NPAS3: variants seen among roughly 807,000 people sequenced by gnomAD.
NPAS3 encodes the protein neuronal PAS domain protein 3, also known as neuronal PAS domain-containing protein 3.
Under a neutral mutation model 73.1 loss-of-function variants are expected in NPAS3, and 14 were observed. That is an observed-to-expected ratio of 0.19 (90% CI 0.13 to 0.30). The LOEUF is 0.30. Ranked by LOEUF, NPAS3 falls within the 10% of genes least tolerant of loss-of-function variation. The pLI, the probability that NPAS3 is intolerant of heterozygous loss-of-function variation, is 1.00. For missense variants in NPAS3, 1,096 were observed against 1,250.0 expected, an observed-to-expected ratio of 0.88 and a Z score of 1.86; for synonymous variants, 620 against 541.5, an observed-to-expected ratio of 1.14 and a Z score of -2.01.
rs1040793132 is a variant in NPAS3 at position 33,026,871 on chromosome 14, C to G, written c.51-29034C>G. On this transcript the variant is annotated intron_variant, in intron 1 of 11. Transcript: ENST00000356141. ...TCAGAGCTTGAGTTCCTCATCCTTCCCCCCTACACCCCTTTCCCTTTTTTC... is the reference window on the plus strand; with the variant it reads ...TCAGAGCTTGAGTTCCTCATCCTTCGCCCCTACACCCCTTTCCCTTTTTTC... Among the ~76,000 whole-genome samples, 8 of 152,226 alleles carry G rather than the reference C, an allele frequency of 5.3e-5. No individual in the cohort carries two copies. In the East Asian group the frequency reaches 1.5e-3, roughly 29 times the overall value.
intron 2 of NPAS3, among the ~76,000 whole-genome samples, chr14:33,074,622 G>T (rs2041596512): frequency 6.6e-6 from 1 of 152,114 alleles, no homozygotes; most frequent in African/African-American, 2.4e-5. Context: ...TCACCATGTT[G>T]GCCAGGCTGA....
intron 1 of NPAS3, among the ~76,000 whole-genome samples, chr14:33,041,092 A>AT (rs761347269): frequency 6.6e-6 from 1 of 152,156 alleles, no homozygotes; most frequent in Non-Finnish European, 1.5e-5. Context: ...GGTGAGGATC[A>AT]TTATTAGTAT....
intron 3 of NPAS3, among the ~76,000 whole-genome samples, chr14:33,278,342 C>T (rs747416294): frequency 2.0e-5 from 3 of 152,098 alleles, no homozygotes; most frequent in South Asian, 4.2e-4. Context: ...CAGAAGGCTA[C>T]GTGATGTCAC....
chr14:33,181,974 C>G (rs2045813788), intron 2 of NPAS3, among the ~76,000 whole-genome samples: 1 of 152,064 alleles, frequency 6.6e-6, no homozygotes, highest in East Asian at 1.9e-4. Flanking sequence ...CTCCGTGGTT[C>G]TTTGCTGGCT....
chr14:33,496,613 C>T (rs1033800048), intron 4 of NPAS3, among the ~76,000 whole-genome samples: 2 of 152,104 alleles, frequency 1.3e-5, no homozygotes, highest in African/African-American at 4.8e-5. Flanking sequence ...ATGATTATCT[C>T]AATAGATGCA....
At chr14:33,705,079 G>A (rs72664532) in intron 6 of NPAS3, among the ~76,000 whole-genome samples, 32 of 152,228 alleles carry the variant, frequency 2.1e-4, no homozygotes, top group South Asian at 2.1e-4. Flanking sequence ...TAGGGGAAGC[G>A]CCCTCATTTT....
chr14:32,968,273 T>C (rs1212281175), intron 1 of NPAS3, among the ~76,000 whole-genome samples: 2 of 152,218 alleles, frequency 1.3e-5, no homozygotes, highest in Admixed American at 6.5e-5. Flanking sequence ...TTTGAGGTCA[T>C]GGATATGCTA....
At chr14:33,612,779 A>G (rs1034489694) in intron 5 of NPAS3, among the ~76,000 whole-genome samples, 1 of 152,176 alleles carries the variant, frequency 6.6e-6, no homozygotes, top group Non-Finnish European at 1.5e-5. Flanking sequence ...AGACTTCAAA[A>G]TTCTGTTTAT....
intron 1 of NPAS3, among the ~76,000 whole-genome samples, chr14:33,026,643 A>G (rs986454838): frequency 1.3e-5 from 2 of 150,768 alleles, no homozygotes; most frequent in Non-Finnish European, 3.0e-5. Context: ...GTCTGATTTT[A>G]CTTCTTCCTA....
chr14:33,707,443 CT>C (rs1381742756), intron 6 of NPAS3, among the ~76,000 whole-genome samples: 1 of 151,832 alleles, frequency 6.6e-6, no homozygotes, highest in African/African-American at 2.4e-5. Flanking sequence ...TGGAAACTGC[CT>C]GAAGGGAACT....
At chr14:33,795,189 T>C (rs183528302) in intron 10 of NPAS3, among the ~76,000 whole-genome samples, 1 of 152,340 alleles carries the variant, frequency 6.6e-6, no homozygotes, top group African/African-American at 2.4e-5. Flanking sequence ...CAGACACTAA[T>C]GATTATTGCT....
Position 33,351,562 on chromosome 14 carries a change from G to A in NPAS3, c.386-15624G>A, listed in dbSNP as rs567967802. ...AGTTGAAGATTTAAAAATGTCTAGA[G>A]ACACATGCACACATGCATATACGTG... On this transcript the variant is annotated intron_variant, in intron 3 of 11. Transcript: ENST00000356141. 9.7e-4 allele frequency among the ~76,000 whole-genome samples: 148 copies of A among 152,316 alleles called. 1 individual carries two copies. The highest frequency in any genetic ancestry group is 3.4e-3 in the African/African-American group (141 of 41,572).
intron 4 of NPAS3, among the ~76,000 whole-genome samples, chr14:33,550,134 G>A (rs1049009400): frequency 6.6e-6 from 1 of 152,010 alleles, no homozygotes. Flanking sequence ...CCACAGAGAA[G>A]CCAGGATCAA....
chr14:32,959,753 C>T (rs915867253), intron 1 of NPAS3, among the ~76,000 whole-genome samples: 20 of 152,052 alleles, frequency 1.3e-4, no homozygotes, highest in Admixed American at 3.9e-4. Flanking sequence ...TCGAGATTCC[C>T]GAGTATTTTT....
chr14:33,071,635 T>C (rs2041488235), intron 2 of NPAS3, among the ~76,000 whole-genome samples: 1 of 152,144 alleles, frequency 6.6e-6, no homozygotes, highest in Admixed American at 6.5e-5. Context: ...AATTGCAACA[T>C]TTACTGTTTA....
intron 2 of NPAS3, among the ~76,000 whole-genome samples, chr14:33,186,534 C>CAATGT (rs2045979845): frequency 6.6e-6 from 1 of 152,150 alleles, no homozygotes; most frequent in Non-Finnish European, 1.5e-5. Flanking sequence ...AGGACCACTG[C>CAATGT]CATGTCATGA....
chr14:33,558,402 A>G (rs541789156), intron 4 of NPAS3, among the ~76,000 whole-genome samples: 1 of 152,130 alleles, frequency 6.6e-6, no homozygotes, highest in African/African-American at 2.4e-5. Context: ...CTGGGATTAC[A>G]GGTGTGCCAC....
intron 2 of NPAS3, among the ~76,000 whole-genome samples, chr14:33,198,607 A>C (rs538257501): frequency 6.5e-4 from 99 of 152,300 alleles, no homozygotes; most frequent in African/African-American, 2.2e-3. Context: ...TGATTGGTGT[A>C]TTTATACTCC....
chr14:33,768,695 T>C (rs2062543762), intron 7 of NPAS3, among the ~76,000 whole-genome samples: 1 of 152,156 alleles, frequency 6.6e-6, no homozygotes, highest in Non-Finnish European at 1.5e-5. Context: ...AATCCTACCC[T>C]CACCAAGCTA....
Sources: gnomAD v4.1 joint callset for allele counts (sites outside exome capture counted in the v4.1 genomes callset) on GRCh38, gnomAD v4.1.1 for gene constraint, MANE v1.5 for transcripts, NCBI Gene and HGNC (gene_info 2026-07-23, HGNC 2026-07-21) for gene names.